SPOCK3: variants seen among roughly 807,000 people sequenced by gnomAD.
SPOCK3 encodes SPARC (osteonectin), cwcv and kazal like domains proteoglycan 3, also known as testican-3.
Under a neutral mutation model 56.6 loss-of-function variants are expected in SPOCK3, and 30 were observed. The ratio of observed to expected loss-of-function variants is 0.53; its 90% CI spans 0.40 to 0.72. The LOEUF is 0.72. Ranked by LOEUF, SPOCK3 falls within the 30% of genes least tolerant of loss-of-function variation. The pLI is 0.00. For synonymous variants in SPOCK3, 196 were observed against 183.3 expected (o/e 1.07, Z -0.56); for missense variants, 527 against 530.0 (o/e 0.99, Z 0.06).
chr4:166,953,210 T>A (rs1282822216), intron 4 of SPOCK3, among the ~76,000 whole-genome samples: 1 of 149,886 alleles, frequency 6.7e-6, no homozygotes, highest in African/African-American at 2.5e-5. Flanking sequence ...ATATCCAGAA[T>A]CTACAATGAA....
At chr4:166,925,495 G>T (rs914625133) in intron 4 of SPOCK3, among the ~76,000 whole-genome samples, 1 of 152,068 alleles carries the variant, frequency 6.6e-6, no homozygotes, top group African/African-American at 2.4e-5. Context: ...TGATACCATT[G>T]AAATTTGGGG....
chr4:166,786,640 A>ACT lies in SPOCK3; in HGVS notation c.709+5529_709+5530insAG, dbSNP rs1740758750. On this transcript the variant is annotated intron_variant, in intron 7 of 10. Transcript: ENST00000357545. ...TTAAAGTCTAAAGACTAACTTAAAT[A>ACT]TAACAAGTAGTCAATTCTTAGATGA... Among the ~76,000 whole-genome samples the ACT allele has an allele frequency of 5.3e-5, 8 of 152,348 alleles. No homozygotes were observed. The South Asian group carries it at 1.7e-3, about 32-fold the overall frequency.
chr4:167,111,970 G>A (rs1275745780), intron 2 of SPOCK3, among the ~76,000 whole-genome samples: 1 of 151,930 alleles, frequency 6.6e-6, no homozygotes, highest in Non-Finnish European at 1.5e-5. Flanking sequence ...ATGTTTCCCA[G>A]GCTGGTCTTG....
At chr4:166,914,266 T>C (rs532913091) in intron 4 of SPOCK3, among the ~76,000 whole-genome samples, 3 of 152,266 alleles carry the variant, frequency 2.0e-5, no homozygotes, top group African/African-American at 7.2e-5. Flanking sequence ...ATGTCCTTTA[T>C]GCTTAGGTTT....
Position 167,057,319 on chromosome 4 carries a change from C to A in SPOCK3, c.235+5173G>T, listed in dbSNP as rs1467476026. ...CATGGAAAGGAACAACTGGTACCAGCCACTGCAAAATCATGCCAAATTGTA... is the reference window on the plus strand; with the variant it reads ...CATGGAAAGGAACAACTGGTACCAGACACTGCAAAATCATGCCAAATTGTA... On this transcript the variant is annotated intron_variant, in intron 3 of 10. Transcript: ENST00000357545. 2.0e-5 allele frequency among the ~76,000 whole-genome samples: 3 copies of A among 152,104 alleles called. No homozygotes were observed. The East Asian group carries it at 5.8e-4, about 29-fold the overall frequency.
At chr4:166,991,827 T>C (rs1269517881) in intron 4 of SPOCK3, among the ~76,000 whole-genome samples, 1 of 152,152 alleles carries the variant, frequency 6.6e-6, no homozygotes. Context: ...TGTTTGACAA[T>C]ACATGTCAAT....
chr4:166,736,194 T>C (rs1349127453), intron 10 of SPOCK3, among the ~76,000 whole-genome samples: 1 of 152,128 alleles, frequency 6.6e-6, no homozygotes, highest in African/African-American at 2.4e-5. Context: ...CTTCATCTAC[T>C]GTGTTAGTTA....
chr4:166,930,787 A>G (rs537255685), intron 4 of SPOCK3, among the ~76,000 whole-genome samples: 3 of 152,280 alleles, frequency 2.0e-5, no homozygotes, highest in Non-Finnish European at 4.4e-5. Flanking sequence ...GTCCCAGAAT[A>G]TTACATTTTT....
chr4:166,872,883 G>A (rs886332316), intron 6 of SPOCK3, among the ~76,000 whole-genome samples: 8 of 152,064 alleles, frequency 5.3e-5, no homozygotes, highest in African/African-American at 1.7e-4. Flanking sequence ...TTCAATTCCT[G>A]GTGGAATGCA....
chr4:167,105,919 T>G (rs1310378561), intron 2 of SPOCK3, among the ~76,000 whole-genome samples: 2 of 152,108 alleles, frequency 1.3e-5, no homozygotes, highest in East Asian at 3.9e-4. Context: ...AAGTGGTCAA[T>G]TCAGCAAGAG....
intron 3 of SPOCK3, among the ~76,000 whole-genome samples, chr4:167,009,794 G>A (rs1749846407): frequency 6.6e-6 from 1 of 151,674 alleles, no homozygotes; most frequent in African/African-American, 2.4e-5. Flanking sequence ...TGTAAAATCA[G>A]AAAGGGACAA....
intron 2 of SPOCK3, among the ~76,000 whole-genome samples, chr4:167,127,317 G>A (rs1306110936): frequency 6.6e-6 from 1 of 151,690 alleles, no homozygotes; most frequent in African/African-American, 2.4e-5. Flanking sequence ...TCTGTACTTA[G>A]TTGTATTGCC....
chr4:166,862,004 A>G (rs1382588825), intron 6 of SPOCK3, among the ~76,000 whole-genome samples: 1 of 152,096 alleles, frequency 6.6e-6, no homozygotes, highest in East Asian at 1.9e-4. Context: ...GTATCCTAGC[A>G]AATCTGAATG....
At chr4:166,906,037 T>A (rs1252970553) in intron 5 of SPOCK3, among the ~76,000 whole-genome samples, 1 of 152,082 alleles carries the variant, frequency 6.6e-6, no homozygotes, top group Admixed American at 6.6e-5. Context: ...TGATTCTAGC[T>A]TGTTTTCTAT....
intron 2 of SPOCK3, among the ~76,000 whole-genome samples, chr4:167,165,867 C>T (rs1765716270): frequency 1.3e-5 from 2 of 151,496 alleles, no homozygotes; most frequent in African/African-American, 4.8e-5. Context: ...ATGACATCAC[C>T]CTGAGAGGAC....
intron 2 of SPOCK3, among the ~76,000 whole-genome samples, chr4:167,205,200 A>AATATAT (rs1491222998): frequency 4.6e-4 from 44 of 96,456 alleles, no homozygotes; most frequent in African/African-American, 1.5e-3. Flanking sequence ...TTATATCTAT[A>AATATAT]ATATATATTA....
chr4:167,155,698 G>T (rs1251428952), intron 2 of SPOCK3, among the ~76,000 whole-genome samples: 1 of 152,096 alleles, frequency 6.6e-6, no homozygotes, highest in East Asian at 1.9e-4. Context: ...ACATAGAAAG[G>T]CTTGAAAGGG....
intron 6 of SPOCK3, among the ~76,000 whole-genome samples, chr4:166,820,776 A>C (rs1744852241): frequency 6.6e-6 from 1 of 151,976 alleles, no homozygotes; most frequent in Non-Finnish European, 1.5e-5. Context: ...AGGAGTAGAG[A>C]TCATGCCACT....
At chr4:167,125,188 ATTTTTTATTTAT>A (rs1369890090) in intron 2 of SPOCK3, among the ~76,000 whole-genome samples, 11 of 132,400 alleles carry the variant, frequency 8.3e-5, no homozygotes, top group Admixed American at 1.6e-4. Flanking sequence ...GAGCACAGAG[ATTTTTTATTTAT>A]TTATTTATTT....
Sources: gnomAD v4.1 joint callset for allele counts (sites outside exome capture counted in the v4.1 genomes callset) on GRCh38, gnomAD v4.1.1 for gene constraint, MANE v1.5 for transcripts, NCBI Gene and HGNC (gene_info 2026-07-23, HGNC 2026-07-21) for gene names.